Variants in MAPKAPK2 observed in about 807,000 individuals in gnomAD.
MAPKAPK2 encodes MAPK activated protein kinase 2.
Under a neutral mutation model 48.8 loss-of-function variants are expected in MAPKAPK2, and 9 were observed. That is an observed-to-expected ratio of 0.18 (90% CI 0.11 to 0.32). MAPKAPK2 has a LOEUF of 0.32. Ranked by LOEUF, MAPKAPK2 falls within the 10% of genes least tolerant of loss-of-function variation. MAPKAPK2 has a pLI of 1.00. For synonymous variants in MAPKAPK2, 202 were observed against 190.6 expected, an observed-to-expected ratio of 1.06 and a Z score of -0.49; for missense variants, 331 against 498.3, an observed-to-expected ratio of 0.66 and a Z score of 3.20.
chr1:206,701,088 C>T (rs1672779362), intron 1 of MAPKAPK2, among the ~76,000 whole-genome samples: 1 of 152,178 alleles, frequency 6.6e-6, no homozygotes, highest in African/African-American at 2.4e-5. Flanking sequence ...TCCCTGTGAT[C>T]CAGTGCATCT....
chr1:206,711,821 C>A (rs1673154099), intron 1 of MAPKAPK2, among the ~76,000 whole-genome samples: 1 of 151,740 alleles, frequency 6.6e-6, no homozygotes, highest in East Asian at 1.9e-4. Context: ...CAGGGTTTTG[C>A]CATGTTGCCC....
intron 1 of MAPKAPK2, among the ~76,000 whole-genome samples, chr1:206,706,971 C>T (rs1672979890): frequency 6.6e-6 from 1 of 152,172 alleles, no homozygotes; most frequent in African/African-American, 2.4e-5. Flanking sequence ...TTCCATCCGT[C>T]AGCCCCGAAC....
Position 206,731,748 on chromosome 1 carries a change from C to T in MAPKAPK2, c.978+23C>T. On this transcript the variant is annotated intron_variant, in intron 8 of 9. Transcript: ENST00000367103. This position sits in a 1 kb window ranked among gnomAD's most constrained non-coding sequence, Gnocchi z 5.9. ...ATGGTAAGCTCGGCAGGCTGGGGAGCCTTGGGTCTCACGGGACTATTCCAC... is the reference window on the plus strand; with the variant it reads ...ATGGTAAGCTCGGCAGGCTGGGGAGTCTTGGGTCTCACGGGACTATTCCAC... The T allele has an allele frequency of 6.2e-7, 1 of 1,612,848 alleles. No homozygotes were observed. The highest frequency in any genetic ancestry group is 8.5e-7 in the Non-Finnish European group (1 of 1,178,880).
chr1:206,709,860 T>C (rs1673081849), intron 1 of MAPKAPK2, among the ~76,000 whole-genome samples: 1 of 152,178 alleles, frequency 6.6e-6, no homozygotes, highest in South Asian at 2.1e-4. Flanking sequence ...TGATGCCAGT[T>C]GCAACCATCT....
In MAPKAPK2 at chr1:206,732,656, C is replaced by CG; in HGVS notation, c.1141_1142insG (p.Pro381ArgfsTer67). 6.2e-7 allele frequency: 1 copy of CG among 1,614,202 alleles called. No individual in the cohort carries two copies. The highest frequency in any genetic ancestry group is 8.5e-7 in the Non-Finnish European group (1 of 1,180,042). On this transcript the variant is annotated frameshift_variant, in exon 10 of 10. Transcript: ENST00000367103. LOFTEE classifies it high-confidence loss of function. The surrounding 1 kb of genome is among the most constrained non-coding windows in gnomAD (Gnocchi z 4.4). ...AAAAAAGATTGAAGATGCATCCAAC[C>CG]CTCTGCTGCTGAAGAGGCGGAAGAA...
At chr1:206,723,299 TG>T (rs1673598369) in intron 1 of MAPKAPK2, among the ~76,000 whole-genome samples, 2 of 152,214 alleles carry the variant, frequency 1.3e-5, no homozygotes, top group Non-Finnish European at 1.5e-5. Context: ...CTCCAACACA[TG>T]GGGAGTGGGG....
chr1:206,718,879 A>C (rs1229795714), intron 1 of MAPKAPK2, among the ~76,000 whole-genome samples: 4 of 152,216 alleles, frequency 2.6e-5, no homozygotes, highest in Non-Finnish European at 2.9e-5. Flanking sequence ...ATACCTCCCC[A>C]AAAATACTAG....
rs972883427 is a variant in MAPKAPK2, at chr1:206,731,068, C to G, written c.768-70C>G. 5.6e-5 allele frequency: 89 copies of G among 1,588,862 alleles called. No individual in the cohort carries two copies. The Middle Eastern group carries it at 9.9e-4, about 18-fold the overall frequency. ...ACAAGGAGAAGAGCCTGTTTCTCAT[C>G]CTGTTCCTGGTACAGGGCCACTAAG... On this transcript the variant is annotated intron_variant, in intron 6 of 9. Transcript: ENST00000367103. The surrounding 1 kb of genome is among the most constrained non-coding windows in gnomAD (Gnocchi z 5.9).
chr1:206,697,239 A>G (rs1553427195), intron 1 of MAPKAPK2, among the ~76,000 whole-genome samples: 2 of 152,242 alleles, frequency 1.3e-5, no homozygotes, highest in African/African-American at 4.8e-5. Context: ...AGTTAGCTAC[A>G]GACACGGCAC....
rs544735091 is a variant in MAPKAPK2, at chr1:206,694,232, T to G, written c.279+8724T>G. On this transcript the variant is annotated intron_variant, in intron 1 of 9. Transcript: ENST00000367103. ...GTCTGCTTTCAGGAATTATGGTTTA[T>G]TTGGGGGAAGGGGTGTATGGTGGAG... Among the ~76,000 whole-genome samples the G allele has an allele frequency of 6.6e-5, 10 of 152,288 alleles. No homozygotes were observed. In the South Asian group the frequency reaches 2.1e-3, roughly 32 times the overall value.
intron 1 of MAPKAPK2, among the ~76,000 whole-genome samples, chr1:206,713,288 G>C (rs1553429819): frequency 6.6e-6 from 1 of 152,168 alleles, no homozygotes; most frequent in Non-Finnish European, 1.5e-5. Context: ...CACAGAGGAG[G>C]TGACATTGCC....
Position 206,732,521 on chromosome 1 carries a change from C to T in MAPKAPK2, c.1060-54C>T. ...CTCACGTCTCTCTTCTGCTGTCTCT[C>T]CTACCTGTCTTCTGGCTCTCTCTGT... is the stretch of plus-strand genomic sequence containing the variant. On this transcript the variant is annotated intron_variant, in intron 9 of 9. Transcript: ENST00000367103. The surrounding 1 kb of genome is among the most constrained non-coding windows in gnomAD (Gnocchi z 4.4). The T allele has an allele frequency of 6.2e-7, 1 of 1,602,478 alleles. No homozygotes were observed. The highest frequency in any genetic ancestry group is 1.1e-5 in the South Asian group (1 of 90,018).
rs782364714 is a variant in MAPKAPK2 at position 206,685,370 on chromosome 1, C to A, written c.141C>A (p.His47Gln). Reference sequence around the variant, plus strand: ...CCCCGCAGCAGTTCCCGCAGTTCCACGTCAAGTCCGGCCTGCAGATCAAGA... The same window carrying A: ...CCCCGCAGCAGTTCCCGCAGTTCCAAGTCAAGTCCGGCCTGCAGATCAAGA... ...PPPPQQFPQF[H>Q]VKSGLQIKKN... Residue 47 changes from histidine (H) to glutamine (Q), a missense_variant, in exon 1 of 10, where the codon CAC (histidine) becomes CAA (glutamine). By Grantham distance (24) the His-to-Gln change is conservative (BLOSUM62 0). Transcript: ENST00000367103. 8 of 1,517,112 alleles carry A rather than the reference C, an allele frequency of 5.3e-6. No homozygotes were observed. In the East Asian group the frequency reaches 2.3e-4, roughly 43 times the overall value. 94.0% of individuals were successfully genotyped at this position (1,517,112 alleles called of 1,614,324 possible).
chr1:206,732,905 G>GT lies in MAPKAPK2; in HGVS notation c.*189dup, dbSNP rs1412351696. On this transcript the variant is annotated 3_prime_UTR_variant, in exon 10 of 10. Transcript: ENST00000367103. The surrounding 1 kb of genome is among the most constrained non-coding windows in gnomAD (Gnocchi z 4.4). ...ACCCCAGAGTGGGAGAGGCTGGGAG[G>GT]TTGGGAGGCTGTGGAGAGAAGTGAG... 7.7e-6 allele frequency: 5 copies of GT among 646,290 alleles called. No homozygotes were observed. Among genetic ancestry groups the GT allele is most frequent in the Non-Finnish European group, 1.3e-5 (5 of 394,150 alleles). 40.0% of individuals were successfully genotyped at this position (646,290 alleles called of 1,614,324 possible).
chr1:206,693,930 T>A (rs1379246176), intron 1 of MAPKAPK2, among the ~76,000 whole-genome samples: 3 of 152,174 alleles, frequency 2.0e-5, no homozygotes, highest in African/African-American at 7.2e-5. Context: ...ACATGCAGAA[T>A]GTCACCGAGT....
intron 1 of MAPKAPK2, among the ~76,000 whole-genome samples, chr1:206,711,397 C>T (rs1324142904): frequency 3.3e-5 from 5 of 151,984 alleles, no homozygotes; most frequent in Non-Finnish European, 4.4e-5. Context: ...ACCACAGGTG[C>T]GTACCACCAC....
At chr1:206,728,228 G>A (rs1673771167) in intron 1 of MAPKAPK2, among the ~76,000 whole-genome samples, 1 of 152,192 alleles carries the variant, frequency 6.6e-6, no homozygotes, top group African/African-American at 2.4e-5. Context: ...AACTACAGAG[G>A]TAGAGAGAAT....
chr1:206,730,828 C>T, intron 6 of MAPKAPK2, 65 bp downstream of exon 6: 2 of 1,531,230 alleles, frequency 1.3e-6, no homozygotes, highest in Non-Finnish European at 9.0e-7. Flanking sequence ...TTCTCCAGGA[C>T]AAGAGGAAGA....
intron 1 of MAPKAPK2, among the ~76,000 whole-genome samples, chr1:206,687,858 G>C (rs782223136): frequency 3.3e-5 from 5 of 152,202 alleles, no homozygotes; most frequent in African/African-American, 1.2e-4. Flanking sequence ...ACAGTGTGCC[G>C]AGGCCAATGC....
Sources: allele counts gnomAD v4.1 joint callset (sites outside exome capture counted in the v4.1 genomes callset), GRCh38; gene constraint gnomAD v4.1.1; non-coding constraint Gnocchi (gnomAD v3.1); transcripts MANE v1.5; gene names NCBI Gene and HGNC (gene_info 2026-07-23, HGNC 2026-07-21).